Variants in RPTOR observed in about 807,000 individuals in gnomAD.
RPTOR encodes the protein regulatory-associated protein of mTOR.
In RPTOR, 21 loss-of-function variants were observed where a neutral mutation model predicts 169.9. The ratio of observed to expected loss-of-function variants is 0.12; its 90% CI spans 0.09 to 0.18. The LOEUF (loss-of-function observed/expected upper bound fraction) is 0.18. Among genes scored for constraint, RPTOR ranks in the 10% least tolerant of loss-of-function variants. The pLI, the probability that RPTOR is intolerant of heterozygous loss-of-function variation, is 1.00. For synonymous variants in RPTOR, 732 were observed against 753.2 expected, an observed-to-expected ratio of 0.97 and a Z score of 0.46; for missense variants, 1,133 against 1,855.9, an observed-to-expected ratio of 0.61 and a Z score of 7.16.
chr17:80,569,276 C>T (rs4516281), intron 1 of RPTOR, among the ~76,000 whole-genome samples: 8,150 of 152,208 alleles, frequency 0.054, 284 homozygotes, highest in Middle Eastern at 0.088. Flanking sequence ...TTGTTTTCTG[C>T]ATTTAAACAG....
At chr17:80,644,101 A>T (rs1303320812) in intron 3 of RPTOR, among the ~76,000 whole-genome samples, 1 of 152,084 alleles carries the variant, frequency 6.6e-6, no homozygotes, top group Non-Finnish European at 1.5e-5. Context: ...TTCGCTCTTA[A>T]CCATGGTTTT....
At chr17:80,595,575 C>A (rs1475815390) in intron 1 of RPTOR, among the ~76,000 whole-genome samples, 1 of 152,194 alleles carries the variant, frequency 6.6e-6, no homozygotes, top group African/African-American at 2.4e-5. Flanking sequence ...CCCACCTCAG[C>A]CTTCTGAGTA....
intron 3 of RPTOR, among the ~76,000 whole-genome samples, chr17:80,685,226 T>C (rs2143720379): frequency 9.3e-6 from 1 of 107,108 alleles, no homozygotes; most frequent in Non-Finnish European, 1.8e-5. Flanking sequence ...TGTATGCCAG[T>C]GTGTGCAGTC....
intron 3 of RPTOR, among the ~76,000 whole-genome samples, chr17:80,674,012 T>A (rs928639580): frequency 6.6e-6 from 1 of 152,240 alleles, no homozygotes; most frequent in Non-Finnish European, 1.5e-5. Context: ...AAATTAATTG[T>A]CCACTTGAAA....
At chr17:80,958,077 T>C (rs1268121886) in intron 29 of RPTOR, among the ~76,000 whole-genome samples, 2 of 152,020 alleles carry the variant, frequency 1.3e-5, no homozygotes, top group Non-Finnish European at 2.9e-5. Flanking sequence ...GAGGCGTTTT[T>C]TTTTTTCTTT....
At chr17:80,916,286 C>T (rs948171096) in intron 21 of RPTOR, among the ~76,000 whole-genome samples, 1 of 152,188 alleles carries the variant, frequency 6.6e-6, no homozygotes, top group Non-Finnish European at 1.5e-5. Flanking sequence ...CAGTTCCTGG[C>T]GTCTCCAAGC....
Position 80,707,788 on chromosome 17 carries a change from C to T in RPTOR, c.349-53C>T. On this transcript the variant is annotated intron_variant, in intron 3 of 33. Coordinates refer to ENST00000306801, the MANE Select transcript of RPTOR (RefSeq NM_020761.3). The surrounding 1 kb of genome is among the most constrained non-coding windows in gnomAD (Gnocchi z 5.0). ...AGAGGAAAGGGTAGGGGATGAGTTC[C>T]AAGCATTCCCTGGAGTCCGTGGTAA... The T allele has an allele frequency of 6.4e-7, 1 of 1,568,186 alleles. No individual in the cohort carries two copies. Among genetic ancestry groups the T allele is most frequent in the South Asian group, 1.2e-5 (1 of 85,206 alleles).
intron 1 of RPTOR, among the ~76,000 whole-genome samples, chr17:80,592,777 T>C (rs2065116466): frequency 2.6e-5 from 4 of 152,212 alleles, no homozygotes; most frequent in Admixed American, 2.6e-4. Flanking sequence ...AGTTCAGTTC[T>C]CAAACCATGC....
At chr17:80,622,182 G>A (rs1156935748) in intron 1 of RPTOR, among the ~76,000 whole-genome samples, 1 of 152,192 alleles carries the variant, frequency 6.6e-6, no homozygotes, top group Non-Finnish European at 1.5e-5. Flanking sequence ...TCTTCCTTTA[G>A]GAAGCAACTT....
chr17:80,951,757 G>A (rs1053097891), intron 28 of RPTOR, among the ~76,000 whole-genome samples: 3 of 152,230 alleles, frequency 2.0e-5, no homozygotes, highest in African/African-American at 7.2e-5. Flanking sequence ...CCGAGGGACA[G>A]CTGCCCAGAG....
Position 80,908,913 on chromosome 17 carries a change from A to G in RPTOR, c.2504A>G (p.Asn835Ser). 1 of 1,613,574 alleles carries G rather than the reference A, an allele frequency of 6.2e-7. No individual in the cohort carries two copies. The highest frequency in any genetic ancestry group is 8.5e-7 in the Non-Finnish European group (1 of 1,179,532). The change falls in exon 21 of 34, where the codon AAC (asparagine) becomes AGC (serine). Residue 835 changes from asparagine to serine, a missense_variant. Asn to Ser is a conservative substitution (Grantham distance 46). This residue lies in a region of RPTOR where 123 missense variants were observed against 129.0 expected (regional missense o/e 0.95). Coordinates refer to ENST00000306801, the MANE Select transcript of RPTOR (RefSeq NM_020761.3). ...EVSDVAMKVL[N>S]SIAYKATVNA... is the part of the protein sequence containing the mutation. ...TCGGACGTGGCCATGAAAGTACTCA[A>G]CAGCATCGCCTACAAGGTACGTGCC... is the stretch of plus-strand genomic sequence containing the variant.
intron 7 of RPTOR, among the ~76,000 whole-genome samples, chr17:80,817,265 G>A (rs75394887): frequency 0.012 from 1,758 of 152,248 alleles, 36 homozygotes; most frequent in African/African-American, 0.04. Context: ...CCGTCTGTCT[G>A]GCTCCCAAGT....
At chr17:80,561,513 C>T (rs1210716045) in intron 1 of RPTOR, among the ~76,000 whole-genome samples, 1 of 151,782 alleles carries the variant, frequency 6.6e-6, no homozygotes, top group Non-Finnish European at 1.5e-5. Flanking sequence ...TTACTGTAGC[C>T]TCGACCTCCC....
At chr17:80,943,017 T>G (rs568931933) in intron 25 of RPTOR, among the ~76,000 whole-genome samples, 1 of 152,352 alleles carries the variant, frequency 6.6e-6, no homozygotes, top group South Asian at 2.1e-4. Context: ...GTGCAGCCTC[T>G]CCTTGTATAA....
At chr17:80,740,050 A>G (rs1055553224) in intron 5 of RPTOR, among the ~76,000 whole-genome samples, 1 of 152,200 alleles carries the variant, frequency 6.6e-6, no homozygotes, top group Non-Finnish European at 1.5e-5. Context: ...AACAAAATAG[A>G]AAAATCAAGA....
chr17:80,546,680 A>G (rs759942660), intron 1 of RPTOR, among the ~76,000 whole-genome samples: 20 of 152,142 alleles, frequency 1.3e-4, no homozygotes, highest in Non-Finnish European at 1.6e-4. Flanking sequence ...TGGTGTTACA[A>G]TGTTTGATTT....
chr17:80,924,102 T>G (rs907611338), intron 23 of RPTOR: 6 of 201,102 alleles, frequency 3.0e-5, no homozygotes, highest in African/African-American at 6.9e-5. Flanking sequence ...GAATGTGTTG[T>G]CTTTTCTGTG....
chr17:80,880,625 G>A (rs1378089974), intron 14 of RPTOR, 136 bp downstream of exon 14: 48 of 725,132 alleles, frequency 6.6e-5, no homozygotes, highest in South Asian at 6.6e-4. Flanking sequence ...CCACGTCCAC[G>A]GGGTCAGCAA....
intron 6 of RPTOR, among the ~76,000 whole-genome samples, chr17:80,789,839 G>A (rs1383135487): frequency 6.6e-6 from 1 of 152,160 alleles, no homozygotes; most frequent in Non-Finnish European, 1.5e-5. Context: ...TTTTCAAATG[G>A]CTTTTTAATA....
Sources: gnomAD v4.1 joint callset for allele counts (sites outside exome capture counted in the v4.1 genomes callset) on GRCh38, gnomAD v4.1.1 for gene constraint, gnomAD v4.1.1 regional missense constraint, Gnocchi (gnomAD v3.1) non-coding constraint, MANE v1.5 for transcripts, NCBI Gene and HGNC (gene_info 2026-07-23, HGNC 2026-07-21) for gene names.